Variants in HOMER2 observed in about 807,000 individuals in gnomAD.
The protein encoded by HOMER2 is homer protein homolog 2.
In HOMER2, 27 loss-of-function variants were observed where a neutral mutation model predicts 47.0. The ratio of observed to expected loss-of-function variants is 0.57; its 90% CI spans 0.42 to 0.79. HOMER2 has a LOEUF of 0.79. HOMER2 is among the 30% of genes least tolerant of loss of function. The pLI is 0.00. For synonymous variants in HOMER2, 161 were observed against 163.8 expected, an observed-to-expected ratio of 0.98 and a Z score of 0.13; for missense variants, 443 against 435.0, an observed-to-expected ratio of 1.02 and a Z score of -0.16.
intron 2 of HOMER2, among the ~76,000 whole-genome samples, chr15:82,877,073 A>G (rs2052374261): frequency 6.6e-6 from 1 of 152,218 alleles, no homozygotes; most frequent in African/African-American, 2.4e-5. Flanking sequence ...TGAGTGCCTC[A>G]TTTATATTAG....
At chr15:82,877,548 C>A (rs2052390297) in intron 2 of HOMER2, among the ~76,000 whole-genome samples, 1 of 152,124 alleles carries the variant, frequency 6.6e-6, no homozygotes, top group South Asian at 2.1e-4. Context: ...AGATAAAAAC[C>A]CAGTTGTCTG....
At chr15:82,904,785 C>T (rs1687021723) in intron 1 of HOMER2, among the ~76,000 whole-genome samples, 1 of 152,100 alleles carries the variant, frequency 6.6e-6, no homozygotes, top group Non-Finnish European at 1.5e-5. Flanking sequence ...TGCTTCCCCT[C>T]CCCCGGACCT....
intron 1 of HOMER2, chr15:82,952,057 C>A (rs537303068): frequency 2.0e-6 from 2 of 983,898 alleles, no homozygotes; most frequent in Non-Finnish European, 2.4e-6. Context: ...CAAAGCAGAT[C>A]CAAAGTCCAC....
rs115058274 is a variant in HOMER2, at chr15:82,876,846, G to C, written c.163-1442C>G. 7.4e-3 allele frequency among the ~76,000 whole-genome samples: 1,120 copies of C among 152,320 alleles called. 15 individuals are homozygous for C. The highest frequency in any genetic ancestry group is 0.026 in the African/African-American group (1,074 of 41,566). On this transcript the variant is annotated intron_variant, in intron 2 of 8. Transcript: ENST00000450735. ...CTTTTGCTAAAGGACAGACCTTCCA[G>C]ATACAAACCGTTGCCTTAACTAAAG...
chr15:82,875,832 T>C (rs17158194), intron 2 of HOMER2, among the ~76,000 whole-genome samples: 15,623 of 152,166 alleles, frequency 0.1, 930 homozygotes, highest in East Asian at 0.22. Flanking sequence ...ACTCAAACAA[T>C]TGAAAATCTC....
At chr15:82,920,605 A>G (rs2053703390) in intron 1 of HOMER2, among the ~76,000 whole-genome samples, 1 of 152,192 alleles carries the variant, frequency 6.6e-6, no homozygotes, top group Non-Finnish European at 1.5e-5. Flanking sequence ...CTCTCTGCAG[A>G]GATCCTCACA....
At chr15:82,854,861 C>T (rs77323564) in intron 5 of HOMER2, 61 bp from the exon 6 acceptor site, 17 of 1,561,834 alleles carry the variant, frequency 1.1e-5, no homozygotes, top group African/African-American at 8.1e-5. Flanking sequence ...GCTCCGCCCG[C>T]GTGGGGAAGG....
intron 1 of HOMER2, among the ~76,000 whole-genome samples, chr15:82,907,076 T>C (rs1173848352): frequency 2.6e-5 from 4 of 152,174 alleles, no homozygotes; most frequent in Admixed American, 2.0e-4. Flanking sequence ...GATCCGAGGC[T>C]GGGTGCGGTG....
chr15:82,983,210 A>T (rs2030454980), intron 1 of HOMER2, among the ~76,000 whole-genome samples: 1 of 152,240 alleles, frequency 6.6e-6, no homozygotes, highest in Non-Finnish European at 1.5e-5. Context: ...CGGAAAGTGA[A>T]AAACAGAATG....
At chr15:82,928,155 C>T (rs1676826514) in intron 1 of HOMER2, among the ~76,000 whole-genome samples, 1 of 152,140 alleles carries the variant, frequency 6.6e-6, no homozygotes, top group South Asian at 2.1e-4. Flanking sequence ...GCCAGAAGTA[C>T]ACTACTGGGC....
At chr15:82,867,747 TACCTACTG>T (rs2151642504) in intron 3 of HOMER2, among the ~76,000 whole-genome samples, 1 of 152,238 alleles carries the variant, frequency 6.6e-6, no homozygotes, top group East Asian at 1.9e-4. Context: ...AAAACATTCA[TACCTACTG>T]ACCCAGTGAT....
At chr15:82,896,841 A>G (rs1452683191) in intron 1 of HOMER2, among the ~76,000 whole-genome samples, 1 of 152,158 alleles carries the variant, frequency 6.6e-6, no homozygotes, top group Admixed American at 6.5e-5. Flanking sequence ...CAAAAAGTCT[A>G]ATGATATTTC....
intron 3 of HOMER2, among the ~76,000 whole-genome samples, chr15:82,869,733 C>A (rs1037389450): frequency 9.3e-4 from 142 of 152,278 alleles, no homozygotes; most frequent in African/African-American, 3.4e-3. Flanking sequence ...GCTCCGATTA[C>A]AGGCATGAGC....
exon 2 of HOMER2, chr15:82,837,805 T>G (rs1255185664): frequency 4.6e-5 from 7 of 152,144 alleles, no homozygotes; most frequent in Non-Finnish European, 7.3e-5. Flanking sequence ...CTGGGGAAAG[T>G]AATAGTCTTC....
upstream of HOMER2, among the ~76,000 whole-genome samples, chr15:82,956,655 A>G (rs2054590432): frequency 6.6e-6 from 1 of 152,190 alleles, no homozygotes; most frequent in Non-Finnish European, 1.5e-5. Flanking sequence ...CAGATTATAG[A>G]TATTTTAGAG....
At chr15:82,917,615 G>C (rs2053623816) in intron 1 of HOMER2, among the ~76,000 whole-genome samples, 1 of 152,194 alleles carries the variant, frequency 6.6e-6, no homozygotes, top group Admixed American at 6.5e-5. Context: ...TACGTGTTTA[G>C]AATATTATGA....
chr15:82,943,721 G>A (rs1051914099), intron 1 of HOMER2, among the ~76,000 whole-genome samples: 3 of 152,156 alleles, frequency 2.0e-5, no homozygotes, highest in South Asian at 2.1e-4. Context: ...AAGATTACCC[G>A]CAGAACAAAA....
downstream of HOMER2, among the ~76,000 whole-genome samples, chr15:82,848,730 G>A (rs993643566): frequency 3.9e-5 from 6 of 152,210 alleles, no homozygotes; most frequent in Non-Finnish European, 5.9e-5. Context: ...ATTCCTAGGG[G>A]AGAAGGTGAT....
At chr15:82,903,020 G>A (rs1460308450) in intron 1 of HOMER2, among the ~76,000 whole-genome samples, 1 of 152,158 alleles carries the variant, frequency 6.6e-6, no homozygotes, top group Non-Finnish European at 1.5e-5. Flanking sequence ...GTTTCAAAAT[G>A]TAAATTGTTC....
Sources: gnomAD v4.1 joint callset for allele counts (sites outside exome capture counted in the v4.1 genomes callset) on GRCh38, gnomAD v4.1.1 for gene constraint, MANE v1.5 for transcripts, NCBI Gene and HGNC (gene_info 2026-07-23, HGNC 2026-07-21) for gene names.